ADAM9: variants seen among roughly 807,000 people sequenced by gnomAD.
The protein encoded by ADAM9 is ADAM metallopeptidase domain 9.
In ADAM9, 54 loss-of-function variants were observed where a neutral mutation model predicts 108.1. The observed-to-expected ratio is 0.50, with a 90% confidence interval of 0.40 to 0.63. The LOEUF is 0.63. Among genes scored for constraint, ADAM9 ranks in the 20% least tolerant of loss-of-function variants. The pLI is 0.00. For missense variants in ADAM9, 830 were observed against 997.7 expected (o/e 0.83, Z 2.26); for synonymous variants, 316 against 336.0 (o/e 0.94, Z 0.65).
intron 12 of ADAM9, among the ~76,000 whole-genome samples, chr8:39,050,720 A>G (rs201809888): frequency 6.6e-6 from 1 of 152,022 alleles, no homozygotes; most frequent in East Asian, 1.9e-4. Context: ...GGAGCCTATC[A>G]GTGTTCTGAG....
intron 1 of ADAM9, among the ~76,000 whole-genome samples, chr8:39,000,400 GTTATT>G (rs778262940): frequency 2.0e-5 from 3 of 152,006 alleles, no homozygotes; most frequent in Non-Finnish European, 2.9e-5. Flanking sequence ...ATTTCATGTT[GTTATT>G]TTAATCAGAT....
intron 16 of ADAM9, among the ~76,000 whole-genome samples, chr8:39,080,440 G>A (rs939262428): frequency 6.6e-6 from 1 of 152,136 alleles, no homozygotes; most frequent in Admixed American, 6.5e-5. Flanking sequence ...GTACAAGAAA[G>A]GATAGCAAGT....
Position 39,074,416 on chromosome 8 carries a change from T to G in ADAM9, c.1698-2812T>G, listed in dbSNP as rs995254039. 9.9e-5 allele frequency among the ~76,000 whole-genome samples: 15 copies of G among 152,228 alleles called. No homozygotes were observed. In the South Asian group the frequency reaches 1.7e-3, roughly 17 times the overall value. ...GAATAGTGTGATGAACACCAATATA[T>G]CCCAGACCAAGACATTATTAATGCC... is the stretch of plus-strand genomic sequence containing the variant. On this transcript the variant is annotated intron_variant, in intron 15 of 21. Transcript: ENST00000487273.
intron 18 of ADAM9, among the ~76,000 whole-genome samples, chr8:39,086,559 A>G (rs544067052): frequency 1.3e-5 from 2 of 152,212 alleles, no homozygotes; most frequent in East Asian, 1.9e-4. Context: ...ATACAGTTGT[A>G]ATAACTGCTA....
chr8:39,068,675 C>CAAAAAAAAAAAAAAAAAAA (rs562274321), intron 14 of ADAM9, among the ~76,000 whole-genome samples: 2 of 42,010 alleles, frequency 4.8e-5, no homozygotes, highest in African/African-American at 7.3e-5. Flanking sequence ...AACTTCTCCT[C>CAAAAAAAAAAAAAAAAAAA]AAAAAAAAAA....
At chr8:39,022,228 C>T (rs752427498) in intron 8 of ADAM9, among the ~76,000 whole-genome samples, 3 of 151,956 alleles carry the variant, frequency 2.0e-5, no homozygotes, top group Admixed American at 1.3e-4. Flanking sequence ...GAACATTAAA[C>T]GTGATGATGA....
intron 14 of ADAM9, among the ~76,000 whole-genome samples, chr8:39,059,684 T>C (rs1179636663): frequency 6.6e-6 from 1 of 152,242 alleles, no homozygotes; most frequent in Non-Finnish European, 1.5e-5. Flanking sequence ...TATAATCACG[T>C]CTGGCTGTTT....
chr8:39,104,688 A>G lies in ADAM9; in HGVS notation c.*988A>G, dbSNP rs1340200578. On this transcript the variant is annotated 3_prime_UTR_variant, in exon 22 of 22. Coordinates refer to ENST00000487273, the MANE Select transcript of ADAM9 (RefSeq NM_003816.3). The stretch of plus-strand genomic sequence containing the variant: ...GGTGTGCTGGGTCATGTAAAATATT[A>G]GACACTAATATTTTCATAGAAATTA... The G allele has an allele frequency of 2.2e-6, 1 of 453,886 alleles. No individual in the cohort carries two copies. Among genetic ancestry groups the G allele is most frequent in the South Asian group, 1.6e-5 (1 of 64,432 alleles). The allele number at this position is 453,886 out of a possible 1,614,324, so 28.1% of individuals were successfully genotyped here.
At chr8:39,007,479 G>A (rs1453709030) in intron 1 of ADAM9, among the ~76,000 whole-genome samples, 9 of 152,192 alleles carry the variant, frequency 5.9e-5, no homozygotes, top group Admixed American at 5.9e-4. Context: ...AGGAATGGGA[G>A]ATGAGTGAAG....
chr8:39,025,810 G>T lies in ADAM9; in HGVS notation c.922G>T (p.Gly308Cys). 1.2e-6 allele frequency: 2 copies of T among 1,613,984 alleles called. No homozygotes were observed. Among genetic ancestry groups the T allele is most frequent in the Non-Finnish European group, 1.7e-6 (2 of 1,179,978 alleles). ...TTTTACATTTTCATTTAGAAAGAAA[G>T]GTTTTGGTGGAACTGCAGGAATGGC... ...HDSAQLVLKK[G>C]FGGTAGMAFV... The change falls in exon 10 of 22, where the codon GGT becomes TGT. Residue 308 changes from glycine to cysteine, a missense_variant. Gly to Cys is a radical substitution (Grantham distance 159, BLOSUM62 -3). Around this residue, in one of 3 missense-constraint regions of ADAM9, gnomAD observed 381 missense variants for 539.8 expected, o/e 0.71. Transcript: ENST00000487273.
intron 12 of ADAM9, among the ~76,000 whole-genome samples, chr8:39,052,299 AGTTCT>A (rs1837982754): frequency 6.6e-6 from 1 of 152,074 alleles, no homozygotes; most frequent in South Asian, 2.1e-4. Flanking sequence ...ATTCCTTATC[AGTTCT>A]GTTGGTTCAT....
chr8:39,045,427 CCT>C (rs1491556506), intron 12 of ADAM9, among the ~76,000 whole-genome samples: 2 of 133,336 alleles, frequency 1.5e-5, no homozygotes, highest in Non-Finnish European at 3.4e-5. Context: ...TGTACACACA[CCT>C]ATATGTGCGC....
At chr8:39,057,093 A>G (rs1189332817) in intron 14 of ADAM9, among the ~76,000 whole-genome samples, 1 of 152,158 alleles carries the variant, frequency 6.6e-6, no homozygotes, top group African/African-American at 2.4e-5. Context: ...CATTGCCTAC[A>G]GTATTTAGTA....
At chr8:39,087,040 C>T (rs984710448) in intron 18 of ADAM9, among the ~76,000 whole-genome samples, 6 of 152,146 alleles carry the variant, frequency 3.9e-5, no homozygotes, top group African/African-American at 9.7e-5. Flanking sequence ...CCATCAGCAC[C>T]GATGCAGATC....
chr8:39,005,855 AG>A, intron 1 of ADAM9, among the ~76,000 whole-genome samples: 1 of 152,242 alleles, frequency 6.6e-6, no homozygotes, highest in Non-Finnish European at 1.5e-5. Context: ...AATTGCAGTA[AG>A]AATAATTATT....
intron 7 of ADAM9, 141 bp downstream of exon 7, chr8:39,019,059 T>C: frequency 1.2e-6 from 1 of 804,104 alleles, no homozygotes; most frequent in South Asian, 1.6e-5. Context: ...TTTTTTTCCC[T>C]TAAACTTTAT....
intron 20 of ADAM9, among the ~76,000 whole-genome samples, chr8:39,099,889 T>G (rs994094849): frequency 6.8e-6 from 1 of 146,280 alleles, no homozygotes; most frequent in African/African-American, 2.5e-5. Flanking sequence ...TTTTTTTTTT[T>G]TTTTTTTTGA....
At chr8:39,003,927 TG>T (rs1441559345) in intron 1 of ADAM9, among the ~76,000 whole-genome samples, 1 of 152,220 alleles carries the variant, frequency 6.6e-6, no homozygotes, top group African/African-American at 2.4e-5. Flanking sequence ...TTTACTTCAT[TG>T]GCAGTCTCGG....
chr8:39,084,664 G>A (rs955385524), intron 18 of ADAM9, among the ~76,000 whole-genome samples: 2 of 151,358 alleles, frequency 1.3e-5, no homozygotes, highest in African/African-American at 2.4e-5. Flanking sequence ...AAAAGAATGC[G>A]TATTCTACTA....
Sources: allele counts gnomAD v4.1 joint callset (sites outside exome capture counted in the v4.1 genomes callset), GRCh38; gene constraint gnomAD v4.1.1; regional missense constraint gnomAD v4.1.1; transcripts MANE v1.5; gene names NCBI Gene and HGNC (gene_info 2026-07-23, HGNC 2026-07-21).